MICAL3: variants seen among roughly 807,000 people sequenced by gnomAD.
MICAL3 encodes microtubule associated monooxygenase, calponin and LIM domain containing 3.
In MICAL3, 62 loss-of-function variants were observed where a neutral mutation model predicts 207.4. The ratio of observed to expected loss-of-function variants is 0.30; its 90% CI spans 0.24 to 0.37. MICAL3 has a LOEUF of 0.37. Among genes scored for constraint, MICAL3 ranks in the 10% least tolerant of loss-of-function variants. MICAL3 has a pLI of 1.00. For synonymous variants in MICAL3, 1,077 were observed against 1,069.3 expected, an observed-to-expected ratio of 1.01 and a Z score of -0.14; for missense variants, 2,368 against 2,635.6, an observed-to-expected ratio of 0.90 and a Z score of 2.22.
intron 1 of MICAL3, among the ~76,000 whole-genome samples, chr22:17,942,808 T>A (rs531509637): frequency 6.6e-6 from 1 of 152,322 alleles, no homozygotes; most frequent in Admixed American, 6.5e-5. Context: ...TCCAGCTTGA[T>A]GGGTGCTGCC....
chr22:17,901,139 G>C lies in MICAL3; in HGVS notation c.692-142C>G, dbSNP rs1931285255. On this transcript the variant is annotated intron_variant, in intron 5 of 31. Transcript: ENST00000441493. The stretch of plus-strand genomic sequence containing the variant: ...GGAAAGTTAGGGCAGCTCTTCTGCA[G>C]ATGAAAATAAGGCATTTACCTACCC... The C allele has an allele frequency of 4.0e-6, 3 of 742,264 alleles. No individual in the cohort carries two copies. In the Admixed American group the frequency reaches 7.3e-5, roughly 18 times the overall value. The allele number at this position is 742,264 out of a possible 1,614,324, so 46.0% of individuals were successfully genotyped here. A position where few individuals can be genotyped will look rare whatever the true frequency, so the allele number is the denominator to read the frequency against.
chr22:17,799,496 TG>T (rs2061914169), intron 29 of MICAL3, among the ~76,000 whole-genome samples: 1 of 152,222 alleles, frequency 6.6e-6, no homozygotes, highest in African/African-American at 2.4e-5. Context: ...TTATGCAGCC[TG>T]GGAAGTGTGA....
intron 16 of MICAL3, among the ~76,000 whole-genome samples, chr22:17,874,324 G>A (rs186037273): frequency 2.2e-4 from 33 of 152,290 alleles, no homozygotes; most frequent in African/African-American, 7.0e-4. Context: ...ACAGACACCA[G>A]GCAGAGCTGA....
intron 1 of MICAL3, among the ~76,000 whole-genome samples, chr22:17,929,265 ATTTT>A (rs71201889): frequency 1.6e-4 from 22 of 133,484 alleles, no homozygotes; most frequent in African/African-American, 1.1e-4. Context: ...CGCCTGGCTA[ATTTT>A]TTTTTTTTTT....
chr22:17,842,162 A>T (rs1440668839), intron 19 of MICAL3, 145 bp from the exon 20 acceptor site: 2 of 725,108 alleles, frequency 2.8e-6, no homozygotes, highest in Non-Finnish European at 4.5e-6. Flanking sequence ...GCCAGAGGCC[A>T]GAGAAGGACC....
intron 7 of MICAL3, among the ~76,000 whole-genome samples, chr22:17,898,467 C>T (rs1931044225): frequency 6.6e-6 from 1 of 152,210 alleles, no homozygotes; most frequent in South Asian, 2.1e-4. Context: ...GGGCTCTCTG[C>T]CACCGGCACA....
chr22:17,912,804 G>T (rs999052575), intron 1 of MICAL3, among the ~76,000 whole-genome samples: 3 of 152,100 alleles, frequency 2.0e-5, no homozygotes, highest in Non-Finnish European at 4.4e-5. Flanking sequence ...TTCCAATTTG[G>T]ATGCCTTTTA....
chr22:17,957,986 T>G (rs1343311492), intron 1 of MICAL3, among the ~76,000 whole-genome samples: 1 of 152,032 alleles, frequency 6.6e-6, no homozygotes, highest in East Asian at 1.9e-4. Context: ...CAAGGAAGAT[T>G]CATCCCAAAA....
rs2061815767 is a variant in MICAL3 at position 17,790,615 on chromosome 22, A to G, written c.*117T>C. 1 of 917,382 alleles carries G rather than the reference A, an allele frequency of 1.1e-6. No individual in the cohort carries two copies. The highest frequency in any genetic ancestry group is 1.6e-6 in the Non-Finnish European group (1 of 619,730). The allele number at this position is 917,382 out of a possible 1,614,324, so 56.8% of individuals were successfully genotyped here. On this transcript the variant is annotated 3_prime_UTR_variant, in exon 32 of 32. Transcript: ENST00000441493. ...ACCACTTTCCAAGCAGCACACGGGC[A>G]TCTGAGCGTAAACTCCAAGGAGGTG... is the stretch of plus-strand genomic sequence containing the variant.
Position 17,865,111 on chromosome 22 carries a change from T to TTATG in MICAL3, c.2518-126_2518-125insCATA, listed in dbSNP as rs1389202683. The TTATG allele has an allele frequency of 4.1e-6, 3 of 724,386 alleles. No homozygotes were observed. The African/African-American group carries it at 5.7e-5, about 14-fold the overall frequency. The allele number at this position is 724,386 out of a possible 1,614,324, so 44.9% of individuals were successfully genotyped here. On this transcript the variant is annotated intron_variant, in intron 18 of 31. Coordinates refer to ENST00000441493, the MANE Select transcript of MICAL3 (RefSeq NM_015241.3). ...TTTATTTATTTATTTATTTATTTAT[T>TTATG]TATTTATTTATTTATTTAAGAGACA...
chr22:17,850,959 A>G (rs1324106273), intron 19 of MICAL3, among the ~76,000 whole-genome samples: 1 of 152,158 alleles, frequency 6.6e-6, no homozygotes, highest in South Asian at 2.1e-4. Flanking sequence ...ATTTGTATCA[A>G]CTGGCCAGGC....
intron 12 of MICAL3, among the ~76,000 whole-genome samples, chr22:17,890,794 T>G (rs1201643842): frequency 6.6e-6 from 1 of 152,242 alleles, no homozygotes; most frequent in Non-Finnish European, 1.5e-5. Flanking sequence ...TTCTGAATCC[T>G]TCGGTTTGGC....
intron 28 of MICAL3, among the ~76,000 whole-genome samples, chr22:17,809,739 C>G (rs59539902): frequency 6.6e-6 from 1 of 152,328 alleles, no homozygotes; most frequent in African/African-American, 2.4e-5. Context: ...GACCTCTGAC[C>G]TCTTCCCACA....
intron 16 of MICAL3, chr22:17,879,282 C>A: frequency 2.1e-6 from 3 of 1,431,166 alleles, no homozygotes; most frequent in Non-Finnish European, 2.9e-6. Flanking sequence ...GCTGCCCCAC[C>A]ACCACAGCGT....
chr22:17,831,900 C>T lies in MICAL3; in HGVS notation c.3009G>A (p.Glu1003=). The change falls in exon 21 of 32, where the codon GAG becomes GAA. Residue 1003 remains glutamate (E), a synonymous_variant. Transcript: ENST00000441493. The part of the protein sequence containing the change: ...EEEEEEEEYE[E]EEEEDYDEEE... ...CCTCGTCATAGTCCTCCTCCTCCTC[C>T]TCTTCATATTCTTCCTCCTCCTCCT... 1.9e-6 allele frequency: 3 copies of T among 1,556,588 alleles called. No homozygotes were observed. Among genetic ancestry groups the T allele is most frequent in the Non-Finnish European group, 2.6e-6 (3 of 1,149,696 alleles).
chr22:17,887,477 G>A, intron 13 of MICAL3, 42 bp from the exon 14 acceptor site: 1 of 1,436,274 alleles, frequency 7.0e-7, no homozygotes, highest in South Asian at 1.2e-5. Context: ...AGCCCTTGAG[G>A]GCGCCGCAAA....
Position 17,790,675 on chromosome 22 carries a change from G to A in MICAL3, c.*57C>T, listed in dbSNP as rs2061816056. 6.7e-7 allele frequency: 1 copy of A among 1,494,286 alleles called. No homozygotes were observed. The allele number at this position is 1,494,286 out of a possible 1,614,324, so 92.6% of individuals were successfully genotyped here. On this transcript the variant is annotated 3_prime_UTR_variant, in exon 32 of 32. Transcript: ENST00000441493. ...CTCAGATCGCGGCTCCGGGTGGTTT[G>A]GATGCCACTGCCTGGCCAGGCGGAT...
chr22:17,877,248 G>A (rs1471742563), intron 16 of MICAL3, among the ~76,000 whole-genome samples: 18 of 121,042 alleles, frequency 1.5e-4, no homozygotes, highest in Non-Finnish European at 1.2e-4. Context: ...GGTTAGGGAG[G>A]TTAGGGAGGT....
intron 1 of MICAL3, among the ~76,000 whole-genome samples, chr22:18,013,795 T>C (rs2146507546): frequency 6.6e-6 from 1 of 152,108 alleles, no homozygotes; most frequent in Admixed American, 6.6e-5. Context: ...TCTATCTCCC[T>C]CCCCCTCTAT....
Sources: gnomAD v4.1 joint callset for allele counts (sites outside exome capture counted in the v4.1 genomes callset) on GRCh38, gnomAD v4.1.1 for gene constraint, MANE v1.5 for transcripts, NCBI Gene and HGNC (gene_info 2026-07-23, HGNC 2026-07-21) for gene names.